Variants in EGLN1 observed in about 807,000 individuals in gnomAD.
The protein encoded by EGLN1 is egl nine homolog 1.
EGLN1 carries 17 observed loss-of-function variants against 38.3 expected under a neutral mutation model. The ratio of observed to expected loss-of-function variants is 0.44; its 90% CI spans 0.30 to 0.67. The LOEUF (loss-of-function observed/expected upper bound fraction) is 0.67. Ranked by LOEUF, EGLN1 falls within the 30% of genes least tolerant of loss-of-function variation. The pLI, the probability that EGLN1 is intolerant of heterozygous loss-of-function variation, is 0.08. For missense variants in EGLN1, 477 were observed against 603.3 expected (o/e 0.79, Z 2.19); for synonymous variants, 283 against 257.5 (o/e 1.10, Z -0.95).
Position 231,421,371 on chromosome 1 carries a change from A to T in EGLN1, c.518T>A (p.Leu173Gln). 6.2e-7 allele frequency: 1 copy of T among 1,608,760 alleles called. No individual in the cohort carries two copies. Among genetic ancestry groups the T allele is most frequent in the East Asian group, 2.2e-5 (1 of 44,714 alleles). Residue 173 changes from leucine to glutamine, a missense_variant, in exon 1 of 5, where the codon CTG (leucine) becomes CAG (glutamine). Around this residue, in one of 4 missense-constraint regions of EGLN1, gnomAD observed 298 missense variants for 288.9 expected, o/e 1.03. Coordinates refer to ENST00000366641, the MANE Select transcript of EGLN1 (RefSeq NM_022051.3). The surrounding 1 kb of genome is among the most constrained non-coding windows in gnomAD (Gnocchi z 5.5). Reference sequence around the variant, plus strand: ...GGGCCGCAGGCCGCCGCCGGGGCTCAGCGCATCCCCGGGCGTGTTGCTTGG... The same window carrying T: ...GGGCCGCAGGCCGCCGCCGGGGCTCTGCGCATCCCCGGGCGTGTTGCTTGG... ...YPPSNTPGDALSPGGGLRPNG... is the reference protein window; with the variant it reads ...YPPSNTPGDAQSPGGGLRPNG...
At chr1:231,372,073 A>C (rs1453380777) in intron 2 of EGLN1, among the ~76,000 whole-genome samples, 1 of 152,110 alleles carries the variant, frequency 6.6e-6, no homozygotes, top group Admixed American at 6.6e-5. Context: ...CTTTGACTCA[A>C]GTCATTGGGA....
chr1:231,381,087 T>C (rs1409734158), intron 1 of EGLN1, among the ~76,000 whole-genome samples: 1 of 152,028 alleles, frequency 6.6e-6, no homozygotes. Context: ...TTTAATGTTT[T>C]CTAGAGATGG....
chr1:231,369,093 A>G (rs1558377341), intron 3 of EGLN1, among the ~76,000 whole-genome samples: 1 of 152,182 alleles, frequency 6.6e-6, no homozygotes, highest in Non-Finnish European at 1.5e-5. Context: ...AGATAAGATC[A>G]GAATAGGATT....
At position 231,421,881 on chromosome 1, in the gene EGLN1, T is replaced by C. The variant is rs879573663; in HGVS notation, c.8A>G (p.Asn3Ser). MA[N>S]DSGGPGGPSP... Reference sequence around the variant, plus strand: ...CGGCCCGCCGGGCCCGCCGCTGTCATTGGCCATGGCGGCGGCGGCGGCGGC... The same window carrying C: ...CGGCCCGCCGGGCCCGCCGCTGTCACTGGCCATGGCGGCGGCGGCGGCGGC... The change falls in exon 1 of 5, where the codon AAT (asparagine) becomes AGT (serine). Residue 3 changes from asparagine to serine, a missense_variant. Physicochemically the swap from Asn to Ser is conservative, Grantham distance 46. Coordinates refer to ENST00000366641, the MANE Select transcript of EGLN1 (RefSeq NM_022051.3). The surrounding 1 kb of genome is among the most constrained non-coding windows in gnomAD (Gnocchi z 5.5). The C allele has an allele frequency of 5.8e-5, 86 of 1,482,200 alleles. 1 individual carries two copies. Among genetic ancestry groups the C allele is most frequent in the Non-Finnish European group, 6.7e-5 (75 of 1,124,370 alleles). 91.8% of individuals were successfully genotyped at this position (1,482,200 alleles called of 1,614,324 possible).
chr1:231,396,443 G>A (rs1244206714), intron 1 of EGLN1, among the ~76,000 whole-genome samples: 1 of 151,866 alleles, frequency 6.6e-6, no homozygotes, highest in East Asian at 1.9e-4. Context: ...TAGTAGAGAC[G>A]GGGTTTCACC....
chr1:231,421,618 G>GGGCCCC lies in EGLN1; in HGVS notation c.265_270dup (p.Gly89_Ala90dup). ...CGCGCCGCTGCCTTCCTGGGCTCCC[G>GGGCCCC]GGCCCCGGCCCTGGGCGGCGGCACT... On this transcript the variant is annotated inframe_insertion, in exon 1 of 5. Transcript: ENST00000366641. The surrounding 1 kb of genome is among the most constrained non-coding windows in gnomAD (Gnocchi z 5.5). 7.3e-7 allele frequency: 1 copy of GGGCCCC among 1,361,436 alleles called. No individual in the cohort carries two copies. The highest frequency in any genetic ancestry group is 3.1e-5 in the East Asian group (1 of 32,408). 84.3% of individuals were successfully genotyped at this position (1,361,436 alleles called of 1,614,324 possible).
At chr1:231,391,083 GTTTTTTTTTTGTGTGT>G (rs1413453752) in intron 1 of EGLN1, among the ~76,000 whole-genome samples, 175 of 49,832 alleles carry the variant, frequency 3.5e-3, no homozygotes, top group South Asian at 0.012. Context: ...AACTCATTCT[GTTTTTTTTTTGTGTGT>G]GTGTGTGTGT....
At chr1:231,401,518 T>C (rs1688663880) in intron 1 of EGLN1, among the ~76,000 whole-genome samples, 1 of 152,180 alleles carries the variant, frequency 6.6e-6, no homozygotes. Flanking sequence ...TCTAATGCAT[T>C]GTTGGCATCA....
intron 1 of EGLN1, among the ~76,000 whole-genome samples, chr1:231,398,461 G>C (rs1688585438): frequency 1.3e-5 from 2 of 152,162 alleles, no homozygotes; most frequent in Non-Finnish European, 2.9e-5. Context: ...ACCATGCCCA[G>C]ACCACCACCC....
At chr1:231,375,441 A>G (rs1030153108) in intron 1 of EGLN1, among the ~76,000 whole-genome samples, 1 of 152,234 alleles carries the variant, frequency 6.6e-6, no homozygotes, top group Non-Finnish European at 1.5e-5. Context: ...ACAGTAACCG[A>G]ATTGTTCTAC....
Position 231,364,671 on chromosome 1 carries a change from A to T in EGLN1, c.*1740T>A, listed in dbSNP as rs1378348389. 1 of 152,212 alleles carries T rather than the reference A, an allele frequency of 6.6e-6. No individual in the cohort carries two copies. The highest frequency in any genetic ancestry group is 2.4e-5 in the African/African-American group (1 of 41,458). The allele number at this position is 152,212 out of a possible 1,614,324, so 9.4% of individuals were successfully genotyped here. ...TTTAATAAAAATTACTGAGCTTCCC[A>T]TAGAAAAGGTCTCAAATTGAATACA... On this transcript the variant is annotated 3_prime_UTR_variant, in exon 5 of 5. Transcript: ENST00000366641.
chr1:231,385,488 G>A (rs191821174), intron 1 of EGLN1, among the ~76,000 whole-genome samples: 10 of 152,300 alleles, frequency 6.6e-5, no homozygotes, highest in African/African-American at 2.4e-4. Context: ...CATATTCCAG[G>A]AAGAGAAAAG....
chr1:231,393,084 C>A (rs546111251), intron 1 of EGLN1, among the ~76,000 whole-genome samples: 2 of 152,300 alleles, frequency 1.3e-5, no homozygotes, highest in East Asian at 3.9e-4. Flanking sequence ...TATGTATCTC[C>A]ATGATGTAAT....
intron 2 of EGLN1, among the ~76,000 whole-genome samples, chr1:231,371,488 T>C (rs1338387296): frequency 6.6e-6 from 1 of 152,220 alleles, no homozygotes; most frequent in Non-Finnish European, 1.5e-5. Flanking sequence ...TCATTTATTA[T>C]GACCATCATT....
At chr1:231,414,045 T>C (rs956030113) in intron 1 of EGLN1, among the ~76,000 whole-genome samples, 1 of 152,168 alleles carries the variant, frequency 6.6e-6, no homozygotes, top group African/African-American at 2.4e-5. Context: ...AAGAGAAGAT[T>C]TTGGTTAACC....
intron 1 of EGLN1, among the ~76,000 whole-genome samples, chr1:231,380,086 T>C (rs1194404002): frequency 6.6e-6 from 1 of 152,052 alleles, no homozygotes; most frequent in East Asian, 1.9e-4. Context: ...AAGTCATGAC[T>C]GGAAATGTAA....
At chr1:231,420,573 C>A (rs983022099) in intron 1 of EGLN1, among the ~76,000 whole-genome samples, 2 of 152,108 alleles carry the variant, frequency 1.3e-5, no homozygotes, top group Non-Finnish European at 2.9e-5. Context: ...GTTCAGACAC[C>A]ATAGGAAATT....
intron 1 of EGLN1, among the ~76,000 whole-genome samples, chr1:231,392,001 GCA>G (rs928321982): frequency 1.3e-5 from 2 of 152,196 alleles, no homozygotes; most frequent in Non-Finnish European, 2.9e-5. Context: ...AAAATATAAA[GCA>G]CAGGCTGGGC....
intron 1 of EGLN1, among the ~76,000 whole-genome samples, chr1:231,391,921 T>G (rs1383451237): frequency 6.6e-6 from 1 of 152,128 alleles, no homozygotes; most frequent in African/African-American, 2.4e-5. Flanking sequence ...AAGTATGGTA[T>G]AAGAAGTTTA....
Sources: gnomAD v4.1 joint callset for allele counts (sites outside exome capture counted in the v4.1 genomes callset) on GRCh38, gnomAD v4.1.1 for gene constraint, gnomAD v4.1.1 regional missense constraint, Gnocchi (gnomAD v3.1) non-coding constraint, MANE v1.5 for transcripts, NCBI Gene and HGNC (gene_info 2026-07-23, HGNC 2026-07-21) for gene names.